Variants in SPSB1 observed in about 807,000 individuals in gnomAD.
SPSB1 encodes the protein SPRY domain-containing SOCS box protein 1.
In SPSB1, 8 loss-of-function variants were observed where a neutral mutation model predicts 21.2. The ratio of observed to expected loss-of-function variants is 0.38; its 90% confidence interval spans 0.22 to 0.68. The LOEUF is 0.68. Ranked by LOEUF, SPSB1 falls within the 30% of genes least tolerant of loss-of-function variation. The pLI is 0.53. For synonymous variants in SPSB1, 169 were observed against 161.7 expected, an observed-to-expected ratio of 1.05 and a Z score of -0.34; for missense variants, 242 against 377.8, an observed-to-expected ratio of 0.64 and a Z score of 2.98.
chr1:9,367,790 A>G lies in SPSB1; in HGVS notation c.*215A>G. On this transcript the variant is annotated 3_prime_UTR_variant, in exon 3 of 3. Coordinates refer to ENST00000328089, the MANE Select transcript of SPSB1 (RefSeq NM_025106.4). This position sits in a 1 kb window ranked among gnomAD's most constrained non-coding sequence, Gnocchi z 5.9. ...CCCCTTCCCGACATCAGCAGAAGGC[A>G]GCATCCCTGCATGCCGTCCGTATAC... is the stretch of plus-strand genomic sequence containing the variant. 1 of 671,818 alleles carries G rather than the reference A, an allele frequency of 1.5e-6. No homozygotes were observed. Among genetic ancestry groups the G allele is most frequent in the Non-Finnish European group, 2.5e-6 (1 of 406,484 alleles). 41.6% of individuals were successfully genotyped at this position (671,818 alleles called of 1,614,324 possible). A position where few individuals can be genotyped will look rare whatever the true frequency, so the allele number is the denominator to read the frequency against.
chr1:9,319,414 T>TCCTC (rs1639670945), intron 1 of SPSB1, among the ~76,000 whole-genome samples: 1 of 151,886 alleles, frequency 6.6e-6, no homozygotes, highest in African/African-American at 2.4e-5. Context: ...CCCTCCTCCT[T>TCCTC]CCTCCCTCCT....
At chr1:9,357,015 TGATG>T (rs1473464952) in intron 2 of SPSB1, among the ~76,000 whole-genome samples, 4 of 151,692 alleles carry the variant, frequency 2.6e-5, no homozygotes, top group East Asian at 3.9e-4. Context: ...GTGTTTAGAT[TGATG>T]GATGGATGAG....
chr1:9,338,359 G>A (rs1325718329), intron 1 of SPSB1, among the ~76,000 whole-genome samples: 2 of 152,184 alleles, frequency 1.3e-5, no homozygotes, highest in Non-Finnish European at 2.9e-5. Flanking sequence ...CTCTGGGTGT[G>A]CTGTGACAGG....
rs1397289260 is a variant in SPSB1 at position 9,356,021 on chromosome 1, C to G, written c.130C>G (p.Pro44Ala). 1 of 1,614,134 alleles carries G rather than the reference C, an allele frequency of 6.2e-7. No individual in the cohort carries two copies. Among genetic ancestry groups the G allele is most frequent in the Non-Finnish European group, 8.5e-7 (1 of 1,180,028 alleles). ...CCGGCTGGATCTGCTACTGGACATGCCCCCTGTGTCCTATGATGTCCAGCT... is the reference window on the plus strand; with the variant it reads ...CCGGCTGGATCTGCTACTGGACATGGCCCCTGTGTCCTATGATGTCCAGCT... ...PTRLDLLLDM[P>A]PVSYDVQLLH... is the part of the protein sequence containing the mutation. The change falls in exon 2 of 3, where the codon CCC becomes GCC. Residue 44 changes from proline (P) to alanine (A), a missense_variant. Physicochemically the swap from Pro to Ala is conservative, Grantham distance 27. Coordinates refer to ENST00000328089, the MANE Select transcript of SPSB1 (RefSeq NM_025106.4). This position sits in a 1 kb window ranked among gnomAD's most constrained non-coding sequence, Gnocchi z 7.4.
At chr1:9,337,524 G>A (rs1640023165) in intron 1 of SPSB1, among the ~76,000 whole-genome samples, 2 of 151,980 alleles carry the variant, frequency 1.3e-5, no homozygotes, top group South Asian at 4.1e-4. Flanking sequence ...GAGGCTGGGG[G>A]TAGGGGAGGG....
At chr1:9,332,716 C>T (rs180812908) in intron 1 of SPSB1, among the ~76,000 whole-genome samples, 3 of 152,242 alleles carry the variant, frequency 2.0e-5, no homozygotes, top group East Asian at 1.9e-4. Context: ...AAACTAGGAG[C>T]GTTTCAGGTC....
intron 1 of SPSB1, among the ~76,000 whole-genome samples, chr1:9,294,183 CA>C: frequency 6.7e-6 from 1 of 149,854 alleles, no homozygotes; most frequent in South Asian, 2.1e-4. Flanking sequence ...TCTGTCTCTG[CA>C]AATGTGTGTC....
chr1:9,357,197 A>G (rs1041780471), intron 2 of SPSB1, among the ~76,000 whole-genome samples: 9 of 149,362 alleles, frequency 6.0e-5, no homozygotes, highest in Non-Finnish European at 1.2e-4. Context: ...GGATGGATGG[A>G]TGGGTGGATG....
intron 1 of SPSB1, among the ~76,000 whole-genome samples, chr1:9,336,596 C>A (rs1053168265): frequency 6.6e-6 from 1 of 152,130 alleles, no homozygotes; most frequent in African/African-American, 2.4e-5. Flanking sequence ...CCTCTGCCCG[C>A]GTGCGTTCAA....
chr1:9,360,380 G>C (rs2100519367), intron 2 of SPSB1, among the ~76,000 whole-genome samples: 1 of 152,336 alleles, frequency 6.6e-6, no homozygotes. Context: ...ACTTGGGTCA[G>C]GGGGCACGGG....
rs866657421 is a variant in SPSB1, at chr1:9,363,646, C to T, written c.695-3802C>T. On this transcript the variant is annotated intron_variant, in intron 2 of 2. Coordinates refer to ENST00000328089, the MANE Select transcript of SPSB1 (RefSeq NM_025106.4). The surrounding 1 kb of genome is among the most constrained non-coding windows in gnomAD (Gnocchi z 4.5). Reference sequence around the variant, plus strand: ...GGCTGGGGCTGCGGTGTCAGCCACTCAAAATAAGGCACTGGATGGAGCTGG... The same window carrying T: ...GGCTGGGGCTGCGGTGTCAGCCACTTAAAATAAGGCACTGGATGGAGCTGG... Among the ~76,000 whole-genome samples, 1 of 152,106 alleles carries T rather than the reference C, an allele frequency of 6.6e-6. No individual in the cohort carries two copies. The highest frequency in any genetic ancestry group is 1.5e-5 in the Non-Finnish European group (1 of 68,012).
chr1:9,299,176 G>C (rs574717298), intron 1 of SPSB1, among the ~76,000 whole-genome samples: 9 of 152,358 alleles, frequency 5.9e-5, no homozygotes, highest in Admixed American at 1.3e-4. Context: ...TTGATCTGAC[G>C]AATGCCCTTC....
intron 1 of SPSB1, among the ~76,000 whole-genome samples, chr1:9,323,202 C>T (rs371962195): frequency 8.5e-5 from 13 of 152,354 alleles, no homozygotes; most frequent in East Asian, 5.8e-4. Flanking sequence ...TCAGCCTTTT[C>T]GCTCTCACGA....
rs1378604059 is a variant in SPSB1, at chr1:9,293,097, C to A, written c.-150+26C>A. The stretch of plus-strand genomic sequence containing the variant: ...GTAGGCGGCGCGGGGCACCTGGGAC[C>A]CCGATGGGTGGGCGACCGGCCCGGG... On this transcript the variant is annotated intron_variant, in intron 1 of 2. Coordinates refer to ENST00000328089, the MANE Select transcript of SPSB1 (RefSeq NM_025106.4). This position sits in a 1 kb window ranked among gnomAD's most constrained non-coding sequence, Gnocchi z 5.1. The A allele has an allele frequency of 2.0e-6, 2 of 977,456 alleles. No homozygotes were observed. The highest frequency in any genetic ancestry group is 1.3e-4 in the Admixed American group (2 of 15,906). 60.5% of individuals were successfully genotyped at this position (977,456 alleles called of 1,614,324 possible). A position where few individuals can be genotyped will look rare whatever the true frequency, so the allele number is the denominator to read the frequency against.
intron 1 of SPSB1, among the ~76,000 whole-genome samples, chr1:9,323,159 AG>A (rs1018363494): frequency 3.9e-5 from 6 of 152,010 alleles, no homozygotes; most frequent in South Asian, 2.1e-4. Context: ...GCCATGTTGG[AG>A]GGGGGTATCC....
In SPSB1 at chr1:9,356,424, T is replaced by A. The variant is rs369954209; in HGVS notation, c.533T>A (p.Leu178Gln). The stretch of plus-strand genomic sequence containing the variant: ...ACATTCATTGTCCCTGACTCCTTCC[T>A]GGTAGCCCTGGACATGGACGACGGG... ...DETFIVPDSF[L>Q]VALDMDDGTL... is the part of the protein sequence containing the mutation. The change falls in exon 2 of 3, where the codon CTG (leucine) becomes CAG (glutamine). Residue 178 changes from leucine to glutamine, a missense_variant. By Grantham distance (113) the Leu-to-Gln change is moderately radical (BLOSUM62 -2). Coordinates refer to ENST00000328089, the MANE Select transcript of SPSB1 (RefSeq NM_025106.4). The surrounding 1 kb of genome is among the most constrained non-coding windows in gnomAD (Gnocchi z 7.4). 48 of 1,614,044 alleles carry A rather than the reference T, an allele frequency of 3.0e-5. No homozygotes were observed. The African/African-American group carries it at 6.0e-4, about 20-fold the overall frequency.
Position 9,321,287 on chromosome 1 carries a change from ATC to A in SPSB1, c.-150+28217_-150+28218del, listed in dbSNP as rs1380964405. 6.6e-6 allele frequency among the ~76,000 whole-genome samples: 1 copy of A among 152,176 alleles called. No homozygotes were observed. Among genetic ancestry groups the A allele is most frequent in the East Asian group, 1.9e-4 (1 of 5,190 alleles). On this transcript the variant is annotated intron_variant, in intron 1 of 2. Coordinates refer to ENST00000328089, the MANE Select transcript of SPSB1 (RefSeq NM_025106.4). The surrounding 1 kb of genome is among the most constrained non-coding windows in gnomAD (Gnocchi z 4.8). ...CGTCGAGTTTCTGGGTTGATGGCAC[ATC>A]CAGGGTGAAGGAAGAACTCCTTACA...
At chr1:9,360,947 T>G (rs1285942753) in intron 2 of SPSB1, among the ~76,000 whole-genome samples, 7 of 152,068 alleles carry the variant, frequency 4.6e-5, no homozygotes, top group Non-Finnish European at 8.8e-5. Flanking sequence ...AGCCCGGAGC[T>G]CCATCCTCTC....
intron 1 of SPSB1, among the ~76,000 whole-genome samples, chr1:9,299,392 A>T (rs1009014054): frequency 2.0e-5 from 3 of 152,062 alleles, no homozygotes; most frequent in African/African-American, 7.2e-5. Flanking sequence ...TAATCCTAGC[A>T]CTTCAGGAGG....
Sources: gnomAD v4.1 joint callset for allele counts (sites outside exome capture counted in the v4.1 genomes callset) on GRCh38, gnomAD v4.1.1 for gene constraint, Gnocchi (gnomAD v3.1) non-coding constraint, MANE v1.5 for transcripts, NCBI Gene and HGNC (gene_info 2026-07-23, HGNC 2026-07-21) for gene names.